FAT4: variants seen among roughly 807,000 people sequenced by gnomAD.
FAT4 encodes the protein protocadherin Fat 4.
Under a neutral mutation model 303.9 loss-of-function variants are expected in FAT4, and 84 were observed. That is an observed-to-expected ratio of 0.28 (90% confidence interval 0.23 to 0.33). The LOEUF (loss-of-function observed/expected upper bound fraction) is 0.33, where lower values mean the gene tolerates loss of function less well. Ranked by LOEUF, FAT4 falls within the 10% of genes least tolerant of loss-of-function variation. FAT4 has a pLI of 1.00. For synonymous variants in FAT4, 2,307 were observed against 2,298.8 expected (o/e 1.00, Z -0.10); for missense variants, 6,005 against 6,146.8 (o/e 0.98, Z 0.77).
chr4:125,376,823 T>G (rs1733343933), intron 2 of FAT4, among the ~76,000 whole-genome samples: 1 of 151,998 alleles, frequency 6.6e-6, no homozygotes, highest in African/African-American at 2.4e-5. Context: ...AGGTGGAGGT[T>G]CCGGTGAGCC....
chr4:125,352,442 T>G (rs989528626), intron 2 of FAT4, among the ~76,000 whole-genome samples: 2 of 151,734 alleles, frequency 1.3e-5, no homozygotes, highest in African/African-American at 4.8e-5. Context: ...CTCAAAAAAA[T>G]GTTTACACAG....
chr4:125,402,532 T>A (rs1272827942), intron 3 of FAT4, among the ~76,000 whole-genome samples: 2 of 152,060 alleles, frequency 1.3e-5, no homozygotes, highest in Non-Finnish European at 2.9e-5. Context: ...ACTCAGCTGT[T>A]CCATTATTAA....
intron 16 of FAT4, among the ~76,000 whole-genome samples, chr4:125,484,858 G>C (rs886998719): frequency 3.3e-5 from 5 of 151,778 alleles, no homozygotes; most frequent in Admixed American, 6.6e-5. Context: ...TGGGGGGATG[G>C]GGGACAGCCT....
Position 125,451,905 on chromosome 4 carries a change from G to C in FAT4, c.10895G>C (p.Gly3632Ala). The part of the protein sequence containing the change: ...FVNYYGNLFP[G>A]GILGSVKPQD... ...AATTATTATGGTAACTTGTTTCCCG[G>C]TGGGATTTTAGGCTCTGTGAAGCCA... The change falls in exon 10 of 18, where the codon GGT (glycine) becomes GCT (alanine). Residue 3632 changes from glycine (G) to alanine (A), a missense_variant. Transcript: ENST00000394329. 6.2e-7 allele frequency: 1 copy of C among 1,614,062 alleles called. No individual in the cohort carries two copies. The highest frequency in any genetic ancestry group is 8.5e-7 in the Non-Finnish European group (1 of 1,180,006).
chr4:125,341,199 G>T (rs1731780304), intron 2 of FAT4, among the ~76,000 whole-genome samples: 1 of 152,118 alleles, frequency 6.6e-6, no homozygotes, highest in African/African-American at 2.4e-5. Flanking sequence ...TGACAAAAGT[G>T]AAAGAACTCT....
intron 8 of FAT4, among the ~76,000 whole-genome samples, chr4:125,439,305 A>G (rs1028288873): frequency 6.6e-6 from 1 of 151,906 alleles, no homozygotes; most frequent in African/African-American, 2.4e-5. Context: ...CTCCACTGAC[A>G]AAGTCAACAT....
chr4:125,441,468 A>C (rs1426302831), intron 8 of FAT4, among the ~76,000 whole-genome samples: 1 of 152,190 alleles, frequency 6.6e-6, no homozygotes, highest in East Asian at 1.9e-4. Flanking sequence ...ATACCATATA[A>C]AAAATTCAAA....
intron 2 of FAT4, among the ~76,000 whole-genome samples, chr4:125,397,884 A>G (rs1734242671): frequency 6.6e-6 from 1 of 152,122 alleles, no homozygotes. Flanking sequence ...ATCCTATGAC[A>G]AACATGCCCT....
intron 2 of FAT4, among the ~76,000 whole-genome samples, chr4:125,363,578 C>T (rs1732753264): frequency 1.3e-5 from 2 of 151,290 alleles, no homozygotes; most frequent in African/African-American, 4.9e-5. Context: ...TCACTAAAAC[C>T]TCCGCCTCCT....
intron 3 of FAT4, among the ~76,000 whole-genome samples, chr4:125,403,840 A>G (rs1252313798): frequency 6.6e-6 from 1 of 152,112 alleles, no homozygotes; most frequent in African/African-American, 2.4e-5. Context: ...GAGAATATAT[A>G]TGGAAATGTT....
chr4:125,347,080 T>A (rs538167464), intron 2 of FAT4, among the ~76,000 whole-genome samples: 2 of 152,046 alleles, frequency 1.3e-5, no homozygotes, highest in East Asian at 3.9e-4. Flanking sequence ...AAATGCCATA[T>A]GAAAGCATCA....
rs1726559724 is a variant in FAT4 at position 125,463,673 on chromosome 4, T to C, written c.11905+6T>C. 6.6e-7 allele frequency: 1 copy of C among 1,509,698 alleles called. No homozygotes were observed. 93.5% of individuals were successfully genotyped at this position (1,509,698 alleles called of 1,614,324 possible). ...TTATTGTCATTGTCCATTTGGTGAG[T>C]AAAACTTATTTGTTGATATAAAATA... On this transcript the variant is annotated splice_donor_region_variant and intron_variant, in intron 11 of 17. Coordinates refer to ENST00000394329, the MANE Select transcript of FAT4 (RefSeq NM_001291303.3).
In FAT4 at chr4:125,408,791, G is replaced by C; in HGVS notation, c.5917G>C (p.Asp1973His). ...TGTGTTTAATGTTACTGATGCAGAT[G>C]ATGGTATGTATTTTATTTAATATAA... The part of the protein sequence containing the change: ...VLVFNVTDAD[D>H]GINSQLTYSI... The change falls in exon 5 of 18, where the codon GAT (aspartate) becomes CAT (histidine). Residue 1973 changes from aspartate to histidine, a missense_variant. Asp to His is a moderately conservative substitution (Grantham distance 81, BLOSUM62 -1). Coordinates refer to ENST00000394329, the MANE Select transcript of FAT4 (RefSeq NM_001291303.3). 1 of 1,430,046 alleles carries C rather than the reference G, an allele frequency of 7.0e-7. No homozygotes were observed. The highest frequency in any genetic ancestry group is 2.4e-5 in the East Asian group (1 of 42,344). The allele number at this position is 1,430,046 out of a possible 1,614,324, so 88.6% of individuals were successfully genotyped here. A position where few individuals can be genotyped will look rare whatever the true frequency, so the allele number is the denominator to read the frequency against.
At chr4:125,425,472 G>T (rs1180838221) in intron 7 of FAT4, among the ~76,000 whole-genome samples, 2 of 152,000 alleles carry the variant, frequency 1.3e-5, no homozygotes, top group African/African-American at 4.8e-5. Flanking sequence ...AGAGAACATT[G>T]GTTTAGGAAG....
chr4:125,440,297 T>A (rs893836957), intron 8 of FAT4, among the ~76,000 whole-genome samples: 34 of 152,240 alleles, frequency 2.2e-4, no homozygotes, highest in Non-Finnish European at 2.6e-4. Context: ...GTCTGATTTT[T>A]TTTTTCCTTC....
rs1426845212 is a variant in FAT4 at position 125,317,219 on chromosome 4, C to T, written c.808C>T (p.Leu270Phe). Residue 270 changes from leucine (L) to phenylalanine (F), a missense_variant, in exon 2 of 18, where the codon CTC (leucine) becomes TTC (phenylalanine). Coordinates refer to ENST00000394329, the MANE Select transcript of FAT4 (RefSeq NM_001291303.3). This position sits in a 1 kb window ranked among gnomAD's most constrained non-coding sequence, Gnocchi z 7.0. ...PEDAVVGSSV[L>F]QVAAADADEG... is the part of the protein sequence containing the mutation. The stretch of plus-strand genomic sequence containing the variant: ...GGACGCGGTTGTGGGTTCCAGCGTC[C>T]TCCAGGTGGCGGCGGCGGACGCGGA... 6.3e-7 allele frequency: 1 copy of T among 1,584,142 alleles called. No homozygotes were observed. Among genetic ancestry groups the T allele is most frequent in the South Asian group, 1.1e-5 (1 of 87,248 alleles).
Position 125,468,720 on chromosome 4 carries a change from A to G in FAT4, c.12114A>G (p.Arg4038=). ...TTGAAATTGCCGAAGAAAGACTAAG[A>G]TTCTCTTATAATTTAGGCAGTGGTA... is the stretch of plus-strand genomic sequence containing the variant. ...LALEIAEERL[R]FSYNLGSGTY... Residue 4038 remains arginine (R), a synonymous_variant, in exon 12 of 18, where the codon AGA becomes AGG. Coordinates refer to ENST00000394329, the MANE Select transcript of FAT4 (RefSeq NM_001291303.3). The G allele has an allele frequency of 6.2e-7, 1 of 1,614,120 alleles. No individual in the cohort carries two copies. Among genetic ancestry groups the G allele is most frequent in the Admixed American group, 1.7e-5 (1 of 60,016 alleles).
At chr4:125,438,516 A>G (rs2126047580) in intron 8 of FAT4, among the ~76,000 whole-genome samples, 1 of 152,292 alleles carries the variant, frequency 6.6e-6, no homozygotes, top group East Asian at 1.9e-4. Context: ...ATACTTTTAC[A>G]TACATTGAAA....
chr4:125,469,484 G>C (rs1726786833), intron 12 of FAT4, among the ~76,000 whole-genome samples: 2 of 152,306 alleles, frequency 1.3e-5, no homozygotes, highest in Non-Finnish European at 2.9e-5. Context: ...CAAACTTGAA[G>C]TCAAGCCTCT....
Sources: allele counts gnomAD v4.1 joint callset (sites outside exome capture counted in the v4.1 genomes callset), GRCh38; gene constraint gnomAD v4.1.1; non-coding constraint Gnocchi (gnomAD v3.1); transcripts MANE v1.5; gene names NCBI Gene and HGNC (gene_info 2026-07-23, HGNC 2026-07-21).